The following ZNF124 variants were observed in gnomAD, a reference collection of about 807,000 sequenced individuals.
ZNF124 encodes the protein zinc finger protein 124, also known as zinc finger protein HZF-16.
In ZNF124, 25 loss-of-function variants were observed where a neutral mutation model predicts 26.6. The ratio of observed to expected loss-of-function variants is 0.94; its 90% CI spans 0.68 to 1.31. ZNF124 has a LOEUF of 1.31. ZNF124 is among the 40% of genes most tolerant of loss of function. The pLI is 0.00. For missense variants in ZNF124, 444 were observed against 422.2 expected, an observed-to-expected ratio of 1.05 and a Z score of -0.45; for synonymous variants, 129 against 133.3, an observed-to-expected ratio of 0.97 and a Z score of 0.22.
At position 247,137,988 on chromosome 1, in the gene ZNF124, C is replaced by T. The variant is rs530518011; in HGVS notation, c.219-14117G>A. On this transcript the variant is annotated intron_variant, in intron 3 of 3. Coordinates refer to the ZNF124 transcript ENST00000472531. ...TGGTGAGGCTGTGGGGAAATAGGAA[C>T]GCTTTTACACTGTTGGTGGGAATGT... Among the ~76,000 whole-genome samples the T allele has an allele frequency of 2.8e-4, 43 of 152,236 alleles. 1 individual carries two copies. The South Asian group carries it at 7.9e-3, about 28-fold the overall frequency.
intron 1 of ZNF124, among the ~76,000 whole-genome samples, chr1:247,170,603 G>A (rs142529185): frequency 0.014 from 1,946 of 143,960 alleles, 342 homozygotes; most frequent in African/African-American, 0.051. Context: ...TCATTCTGCC[G>A]GAAGCTTTGG....
chr1:247,139,594 A>G (rs936455800), intron 3 of ZNF124, among the ~76,000 whole-genome samples: 18 of 152,096 alleles, frequency 1.2e-4, no homozygotes, highest in African/African-American at 3.6e-4. Flanking sequence ...AGTGTCACTG[A>G]TCTGTGTATT....
intron 3 of ZNF124, among the ~76,000 whole-genome samples, chr1:247,145,997 G>A (rs1443650240): frequency 2.0e-5 from 3 of 152,210 alleles, no homozygotes; most frequent in Admixed American, 2.0e-4. Context: ...CAGCCTGAAA[G>A]GTTTCCTTTT....
chr1:247,156,010 T>G lies in ZNF124; in HGVS notation c.*556A>C. ...ATCTCATTCACATAGTGAATTTTCT[T>G]GAGAATTGTACTATAATTATTTTCC... On this transcript the variant is annotated 3_prime_UTR_variant, in exon 4 of 4. Transcript: ENST00000543802. The G allele has an allele frequency of 1.1e-6, 1 of 950,712 alleles. No homozygotes were observed. The highest frequency in any genetic ancestry group is 1.3e-6 in the Non-Finnish European group (1 of 798,390). The allele number at this position is 950,712 out of a possible 1,614,324, so 58.9% of individuals were successfully genotyped here.
At chr1:247,138,876 C>T (rs1023292400) in intron 3 of ZNF124, 7 of 395,432 alleles carry the variant, frequency 1.8e-5, no homozygotes, top group Middle Eastern at 6.3e-4. Context: ...ACCTGCCTTC[C>T]GTTCTACTCA....
downstream of ZNF124, among the ~76,000 whole-genome samples, chr1:247,153,849 T>A (rs117183672): frequency 8.0e-4 from 122 of 152,262 alleles, 1 homozygote; most frequent in East Asian, 0.017. Context: ...AAAGCCCCCT[T>A]TGGCTAGGAG....
At chr1:247,164,344 C>T (rs369507213) in intron 1 of ZNF124, among the ~76,000 whole-genome samples, 209 of 152,204 alleles carry the variant, frequency 1.4e-3, no homozygotes, top group African/African-American at 5.0e-3. Flanking sequence ...TGATATGATC[C>T]TATACCCCCC....
Position 247,156,517 on chromosome 1 carries a change from A to G in ZNF124, c.*49T>C, listed in dbSNP as rs764887740. ...CACCTTACATTCACAGTTTCTCTCA[A>G]GTATGTGACTGTTCATGTTTTTGAC... On this transcript the variant is annotated 3_prime_UTR_variant, in exon 4 of 4. Coordinates refer to ENST00000543802, the MANE Select transcript of ZNF124 (RefSeq NM_001297568.2). The G allele has an allele frequency of 1.2e-5, 17 of 1,472,744 alleles. No homozygotes were observed. Among genetic ancestry groups the G allele is most frequent in the South Asian group, 3.1e-5 (2 of 64,938 alleles). The allele number at this position is 1,472,744 out of a possible 1,614,324, so 91.2% of individuals were successfully genotyped here. A position where few individuals can be genotyped will look rare whatever the true frequency, so the allele number is the denominator to read the frequency against.
chr1:247,136,750 C>T (rs1572061430), intron 3 of ZNF124, among the ~76,000 whole-genome samples: 1 of 152,028 alleles, frequency 6.6e-6, no homozygotes, highest in African/African-American at 2.4e-5. Flanking sequence ...AGCTTGAGAC[C>T]AGCTTGGCCA....
chr1:247,126,384 G>T (rs1374458430), intron 3 of ZNF124, among the ~76,000 whole-genome samples: 16 of 68,358 alleles, frequency 2.3e-4, no homozygotes, highest in African/African-American at 9.5e-4. Context: ...TGCCTAATCC[G>T]GCGCTCCGCT....
In ZNF124 at chr1:247,156,447, G is replaced by A. The variant is rs934245972; in HGVS notation, c.*119C>T. ...ATAGGGTTTATCTCCAGTTTGATTC[G>A]TTTCATGTATTTGAGGAAATCTGGG... On this transcript the variant is annotated 3_prime_UTR_variant, in exon 4 of 4. Transcript: ENST00000543802. 2.3e-5 allele frequency: 31 copies of A among 1,341,864 alleles called. No homozygotes were observed. The East Asian group carries it at 2.5e-4, about 11-fold the overall frequency. The allele number at this position is 1,341,864 out of a possible 1,614,324, so 83.1% of individuals were successfully genotyped here.
chr1:247,160,381 T>C (rs566824077), intron 1 of ZNF124, among the ~76,000 whole-genome samples: 2 of 152,358 alleles, frequency 1.3e-5, no homozygotes, highest in African/African-American at 4.8e-5. Context: ...TTTGCTGTTA[T>C]GATTTTTCTT....
chr1:247,157,580 C>G, intron 3 of ZNF124, 177 bp from the exon 4 acceptor site: 1 of 635,466 alleles, frequency 1.6e-6, no homozygotes, highest in Non-Finnish European at 2.8e-6. Flanking sequence ...AAAATGACAA[C>G]CCCATCATTA....
At chr1:247,124,950 G>A (rs921927006) in intron 3 of ZNF124, among the ~76,000 whole-genome samples, 7 of 151,990 alleles carry the variant, frequency 4.6e-5, no homozygotes, top group African/African-American at 1.5e-4. Flanking sequence ...GGCACACACC[G>A]CCATGCCCGG....
intron 3 of ZNF124, among the ~76,000 whole-genome samples, chr1:247,131,777 T>A (rs1010027440): frequency 1.3e-5 from 2 of 152,130 alleles, no homozygotes; most frequent in Non-Finnish European, 2.9e-5. Flanking sequence ...AATTTGGATC[T>A]CCCTAGGCCT....
At position 247,157,358 on chromosome 1, in the gene ZNF124, T is replaced by C; in HGVS notation, c.264A>G (p.Glu88=). The C allele has an allele frequency of 6.4e-7, 1 of 1,555,136 alleles. No homozygotes were observed. The highest frequency in any genetic ancestry group is 1.2e-5 in the South Asian group (1 of 84,790). ...TACATGTACATGGCTTCTTTCCGCA[T>C]TCCTCACACCCATATGGGTTGTTTC... ...HSGNNPYGCE[E]CGKKPCTCKQ... Residue 88 remains glutamate, a synonymous_variant, in exon 4 of 4, where the codon GAA becomes GAG. Transcript: ENST00000543802.
intron 1 of ZNF124, among the ~76,000 whole-genome samples, chr1:247,166,093 T>G (rs1673764642): frequency 6.6e-6 from 1 of 152,176 alleles, no homozygotes; most frequent in African/African-American, 2.4e-5. Flanking sequence ...GTGGGATGAC[T>G]GCTTGAGCCC....
exon 4 of ZNF124, chr1:247,123,476 T>G (rs568241168): frequency 6.0e-6 from 1 of 167,152 alleles, no homozygotes; most frequent in Non-Finnish European, 1.3e-5. Flanking sequence ...ATTACAGGCG[T>G]GAGCCACTGC....
At chr1:247,170,063 C>A (rs1181048628) in intron 1 of ZNF124, among the ~76,000 whole-genome samples, 2 of 118,912 alleles carry the variant, frequency 1.7e-5, no homozygotes, top group African/African-American at 7.1e-5. Context: ...AACCCAGGAC[C>A]CAGAAAAGAC....
Sources: allele counts gnomAD v4.1 joint callset (sites outside exome capture counted in the v4.1 genomes callset), GRCh38; gene constraint gnomAD v4.1.1; transcripts MANE v1.5; gene names NCBI Gene and HGNC (gene_info 2026-07-23, HGNC 2026-07-21).